Variants in TTC7A observed in about 807,000 individuals in gnomAD.
TTC7A encodes the protein tetratricopeptide repeat domain 7A.
In TTC7A, 110 loss-of-function variants were observed where a neutral mutation model predicts 103.7. The ratio of observed to expected loss-of-function variants is 1.06; its 90% CI spans 0.91 to 1.24. TTC7A has a LOEUF of 1.24. Ranked by LOEUF, TTC7A falls within the 50% of genes most tolerant of loss-of-function variation. The pLI, the probability that TTC7A is intolerant of heterozygous loss-of-function variation, is 0.00. For synonymous variants in TTC7A, 521 were observed against 467.9 expected (o/e 1.11, Z -1.47); for missense variants, 1,340 against 1,116.3 (o/e 1.20, Z -2.86).
At chr2:47,035,362 G>A (rs1680991680) in intron 15 of TTC7A, 2 of 152,200 alleles carry the variant, frequency 1.3e-5, no homozygotes, top group African/African-American at 4.8e-5. Flanking sequence ...CAGCCATGGG[G>A]GAACCTTGCA....
chr2:47,051,985 C>G, intron 18 of TTC7A, 105 bp downstream of exon 18: 2 of 1,423,214 alleles, frequency 1.4e-6, no homozygotes, highest in Non-Finnish European at 1.9e-6. Context: ...GGACACCTTG[C>G]TAGGCCCACG....
At chr2:46,998,178 G>A (rs1256926150) in intron 8 of TTC7A, among the ~76,000 whole-genome samples, 1 of 152,160 alleles carries the variant, frequency 6.6e-6, no homozygotes, top group Non-Finnish European at 1.5e-5. Context: ...ACCTCTTGTG[G>A]GGTTGGCTGG....
chr2:46,936,212 C>T (rs1231019352), intron 2 of TTC7A, among the ~76,000 whole-genome samples: 1 of 152,152 alleles, frequency 6.6e-6, no homozygotes, highest in Non-Finnish European at 1.5e-5. Flanking sequence ...AAATCTTTTC[C>T]CCCTTGTGGA....
rs1670436410 is a variant in TTC7A at position 46,941,862 on chromosome 2, G to A, written c.184+137G>A. Reference sequence around the variant, plus strand: ...CCGTGCTAGTCTTAAGAGCAGCCAGGGCAGTTAGGAAGGTCCTTCTGCCGC... The same window carrying A: ...CCGTGCTAGTCTTAAGAGCAGCCAGAGCAGTTAGGAAGGTCCTTCTGCCGC... On this transcript the variant is annotated intron_variant, in intron 1 of 19. Coordinates refer to ENST00000319190, the MANE Select transcript of TTC7A (RefSeq NM_020458.4). This position sits in a 1 kb window ranked among gnomAD's most constrained non-coding sequence, Gnocchi z 4.2. 1 of 1,153,580 alleles carries A rather than the reference G, an allele frequency of 8.7e-7. No individual in the cohort carries two copies. The highest frequency in any genetic ancestry group is 1.2e-6 in the Non-Finnish European group (1 of 820,032). 71.5% of individuals were successfully genotyped at this position (1,153,580 alleles called of 1,614,324 possible). A position where few individuals can be genotyped will look rare whatever the true frequency, so the allele number is the denominator to read the frequency against.
At chr2:47,072,731 C>T (rs914767425) in intron 19 of TTC7A, among the ~76,000 whole-genome samples, 2 of 152,208 alleles carry the variant, frequency 1.3e-5, no homozygotes, top group South Asian at 2.1e-4. Context: ...GTGCTGTCAT[C>T]TCATGCCACC....
At chr2:46,951,500 C>G in intron 2 of TTC7A, 1 of 447,194 alleles carries the variant, frequency 2.2e-6, no homozygotes, top group Non-Finnish European at 4.5e-6. Flanking sequence ...AAAAAAAACT[C>G]AAAGAGGAAG....
chr2:46,972,035 A>G (rs1322770013), intron 3 of TTC7A, among the ~76,000 whole-genome samples: 1 of 152,078 alleles, frequency 6.6e-6, no homozygotes, highest in Non-Finnish European at 1.5e-5. Flanking sequence ...ATTTAATGGC[A>G]CTCATACACT....
intron 2 of TTC7A, among the ~76,000 whole-genome samples, chr2:46,934,292 T>C (rs149962486): frequency 0.024 from 3,664 of 152,342 alleles, 57 homozygotes; most frequent in South Asian, 0.063. Context: ...AGAGTCTTGC[T>C]CTGTTGCTCA....
intron 17 of TTC7A, among the ~76,000 whole-genome samples, chr2:47,051,061 G>T (rs544741154): frequency 1.3e-5 from 2 of 152,362 alleles, no homozygotes; most frequent in East Asian, 3.9e-4. Flanking sequence ...AGGTTTTCCA[G>T]AGGGCAGTGT....
At chr2:47,068,923 C>A (rs907055133) in intron 19 of TTC7A, among the ~76,000 whole-genome samples, 2 of 148,184 alleles carry the variant, frequency 1.3e-5, no homozygotes, top group Non-Finnish European at 3.0e-5. Flanking sequence ...GAAGGTAATG[C>A]GGCCCTTTCT....
At chr2:47,062,254 C>G (rs1683851884) in intron 19 of TTC7A, among the ~76,000 whole-genome samples, 1 of 152,174 alleles carries the variant, frequency 6.6e-6, no homozygotes, top group Non-Finnish European at 1.5e-5. Context: ...CAGGTCCTTT[C>G]CAACCTGACA....
chr2:46,918,194 C>G (rs992704488), intron 2 of TTC7A, among the ~76,000 whole-genome samples: 13 of 152,232 alleles, frequency 8.5e-5, no homozygotes, highest in African/African-American at 2.9e-4. Context: ...CTGCACCTCT[C>G]TCAGTCTTGT....
At chr2:47,065,084 G>A (rs755277492) in intron 19 of TTC7A, among the ~76,000 whole-genome samples, 5 of 152,106 alleles carry the variant, frequency 3.3e-5, no homozygotes, top group Non-Finnish European at 5.9e-5. Flanking sequence ...TCAGGAGATC[G>A]AGACCATCCT....
At chr2:46,926,419 G>T (rs1323571552) in intron 2 of TTC7A, among the ~76,000 whole-genome samples, 3 of 152,142 alleles carry the variant, frequency 2.0e-5, no homozygotes, top group African/African-American at 4.8e-5. Flanking sequence ...TAGAGCCCAG[G>T]TCGCCATGGG....
Position 47,068,862 on chromosome 2 carries a change from C to CAAAAA in TTC7A, c.2356-4819_2356-4815dup, listed in dbSNP as rs201835431. Among the ~76,000 whole-genome samples the CAAAAA allele has an allele frequency of 3.7e-4, 26 of 69,770 alleles. 1 individual carries two copies. Among genetic ancestry groups the CAAAAA allele is most frequent in the African/African-American group, 7.0e-4 (19 of 27,054 alleles). 45.8% of individuals were successfully genotyped at this position (69,770 alleles called of 152,430 possible). A position where few individuals can be genotyped will look rare whatever the true frequency, so the allele number is the denominator to read the frequency against. ...AATTAAGCTCCAGAATCAATTTTTTCAAAAAAAAAAAAAAAAAAAAAAAAA... is the reference window on the plus strand; with the variant it reads ...AATTAAGCTCCAGAATCAATTTTTTCAAAAAAAAAAAAAAAAAAAAAAAAAAAAAA... On this transcript the variant is annotated intron_variant, in intron 19 of 19. Transcript: ENST00000319190.
chr2:47,068,869 A>G (rs1378718021), intron 19 of TTC7A, among the ~76,000 whole-genome samples: 1 of 39,720 alleles, frequency 2.5e-5, no homozygotes, highest in Non-Finnish European at 4.2e-5. Flanking sequence ...TTTCAAAAAA[A>G]AAAAAAAAAA....
chr2:46,939,880 A>C (rs1278802590), upstream of TTC7A, among the ~76,000 whole-genome samples: 1 of 152,168 alleles, frequency 6.6e-6, no homozygotes, highest in African/African-American at 2.4e-5. Flanking sequence ...AACTGTCTCT[A>C]AATTCCAACT....
chr2:47,051,017 C>T (rs189833633), intron 17 of TTC7A, among the ~76,000 whole-genome samples: 104 of 152,274 alleles, frequency 6.8e-4, no homozygotes, highest in African/African-American at 2.4e-3. Context: ...TGTCCTGAAC[C>T]GGAGCCCATG....
At chr2:46,967,195 A>G (rs1672936494) in intron 3 of TTC7A, among the ~76,000 whole-genome samples, 2 of 152,176 alleles carry the variant, frequency 1.3e-5, no homozygotes, top group Admixed American at 6.5e-5. Flanking sequence ...CCTGGGTGAC[A>G]GAGCAAGATT....
Sources: allele counts gnomAD v4.1 joint callset (sites outside exome capture counted in the v4.1 genomes callset), GRCh38; gene constraint gnomAD v4.1.1; non-coding constraint Gnocchi (gnomAD v3.1); transcripts MANE v1.5; gene names NCBI Gene and HGNC (gene_info 2026-07-23, HGNC 2026-07-21).